Variants in GFPT1 observed in about 807,000 individuals in gnomAD.
The protein encoded by GFPT1 is glutamine--fructose-6-phosphate aminotransferase [isomerizing] 1.
In GFPT1, 40 loss-of-function variants were observed where a neutral mutation model predicts 92.0. The ratio of observed to expected loss-of-function variants is 0.43; its 90% confidence interval spans 0.34 to 0.57. GFPT1 has a LOEUF of 0.57. Among genes scored for constraint, GFPT1 ranks in the 20% least tolerant of loss-of-function variants. The probability of loss-of-function intolerance (pLI) is 0.02; values close to 1 mark genes in which losing one functional copy is unlikely to be tolerated. For missense variants in GFPT1, 448 were observed against 869.1 expected, an observed-to-expected ratio of 0.52 and a Z score of 6.09; for synonymous variants, 269 against 280.6, an observed-to-expected ratio of 0.96 and a Z score of 0.41.
chr2:69,327,173 G>A, intron 18 of GFPT1, 98 bp from the exon 19 acceptor site: 1 of 956,472 alleles, frequency 1.0e-6, no homozygotes, highest in Non-Finnish European at 1.7e-6. Context: ...TAATCCATAT[G>A]AAGCCTCACG....
At chr2:69,337,060 ATTTT>A (rs376497924) in intron 15 of GFPT1, among the ~76,000 whole-genome samples, 1 of 118,504 alleles carries the variant, frequency 8.4e-6, no homozygotes, top group Non-Finnish European at 1.7e-5. Flanking sequence ...CAAATTTTAA[ATTTT>A]TTTTTTTTTT....
rs933655831 is a variant in GFPT1, at chr2:69,333,716, G to C, written c.1483-3918C>G. On this transcript the variant is annotated intron_variant, in intron 15 of 19. Transcript: ENST00000357308. ...TTTATACCCATCAATTCCTCCAGTA[G>C]TATCAACTTGTCTATGGTCTGATAC... is the stretch of plus-strand genomic sequence containing the variant. Among the ~76,000 whole-genome samples the C allele has an allele frequency of 2.6e-5, 4 of 152,144 alleles. No individual in the cohort carries two copies. In the South Asian group the frequency reaches 8.3e-4, roughly 31 times the overall value.
intron 19 of GFPT1, among the ~76,000 whole-genome samples, chr2:69,326,501 C>T (rs1558724386): frequency 6.6e-6 from 1 of 152,132 alleles, no homozygotes; most frequent in Admixed American, 6.5e-5. Flanking sequence ...GAAGTAGTAG[C>T]CCTCATAGGG....
Position 69,348,278 on chromosome 2 carries a change from G to C in GFPT1, c.902C>G (p.Ala301Gly), listed in dbSNP as rs372840289. 1.9e-6 allele frequency: 3 copies of C among 1,612,728 alleles called. No individual in the cohort carries two copies. Among genetic ancestry groups the C allele is most frequent in the Non-Finnish European group, 2.5e-6 (3 of 1,178,746 alleles). The part of the protein sequence containing the change: ...VIFLEDDDVA[A>G]VVDGRLSIHR... The stretch of plus-strand genomic sequence containing the variant: ...GATAGAAAGACGTCCATCCACTACT[G>C]CTGCAACATCATCATCTTCCAGAAA... The change falls in exon 11 of 20, where the codon GCA becomes GGA. Residue 301 changes from alanine to glycine, a missense_variant. Physicochemically the swap from Ala to Gly is moderately conservative, Grantham distance 60 (BLOSUM62 0). Coordinates refer to ENST00000357308, the MANE Select transcript of GFPT1 (RefSeq NM_001244710.2).
intron 4 of GFPT1, among the ~76,000 whole-genome samples, chr2:69,360,599 A>G (rs935595958): frequency 2.6e-5 from 4 of 151,720 alleles, no homozygotes; most frequent in African/African-American, 9.7e-5. Context: ...CACCACACTC[A>G]ACTAATTTTT....
chr2:69,349,994 G>T, intron 10 of GFPT1, 84 bp downstream of exon 10: 1 of 904,652 alleles, frequency 1.1e-6, no homozygotes, highest in Non-Finnish European at 1.8e-6. Flanking sequence ...AGCACAACTA[G>T]ACTGATACAC....
At chr2:69,383,287 G>A (rs899504034) in intron 1 of GFPT1, among the ~76,000 whole-genome samples, 1 of 152,160 alleles carries the variant, frequency 6.6e-6, no homozygotes, top group Non-Finnish European at 1.5e-5. Context: ...CCAAACTTGT[G>A]TTACAAAACC....
chr2:69,353,681 A>G (rs1671266337), intron 9 of GFPT1, among the ~76,000 whole-genome samples: 1 of 152,208 alleles, frequency 6.6e-6, no homozygotes, highest in South Asian at 2.1e-4. Flanking sequence ...CCTGGGCAAC[A>G]GAGCAAGACC....
At chr2:69,351,894 T>C (rs1465638183) in intron 9 of GFPT1, among the ~76,000 whole-genome samples, 1 of 152,226 alleles carries the variant, frequency 6.6e-6, no homozygotes, top group African/African-American at 2.4e-5. Context: ...ATCTTGATTA[T>C]GGTGGTACTT....
rs557805619 is a variant in GFPT1 at position 69,338,823 on chromosome 2, C to T, written c.1204-258G>A. On this transcript the variant is annotated intron_variant, in intron 13 of 19. Coordinates refer to ENST00000357308, the MANE Select transcript of GFPT1 (RefSeq NM_001244710.2). ...ATTCCTTTTTTTTTTTTTTTTGAGA[C>T]GGAGTCTCGCTCTGTCGCCAGGCTG... Among the ~76,000 whole-genome samples the T allele has an allele frequency of 2.3e-3, 205 of 88,704 alleles. 5 individuals are homozygous for T. The highest frequency in any genetic ancestry group is 4.3e-4 in the Non-Finnish European group (21 of 48,572). 58.2% of individuals were successfully genotyped at this position (88,704 alleles called of 152,430 possible).
At position 69,363,537 on chromosome 2, in the gene GFPT1, T is replaced by G; in HGVS notation, c.349+8A>C. On this transcript the variant is annotated splice_region_variant and intron_variant, in intron 4 of 19. Coordinates refer to ENST00000357308, the MANE Select transcript of GFPT1 (RefSeq NM_001244710.2). Reference sequence around the variant, plus strand: ...AATCATTCCAAAGCACAAAAAATCTTTCCATACCATTATTTTTATCAGAGC... The same window carrying G: ...AATCATTCCAAAGCACAAAAAATCTGTCCATACCATTATTTTTATCAGAGC... The G allele has an allele frequency of 6.2e-7, 1 of 1,613,948 alleles. No individual in the cohort carries two copies. Among genetic ancestry groups the G allele is most frequent in the Non-Finnish European group, 8.5e-7 (1 of 1,179,804 alleles).
chr2:69,328,081 A>T (rs1258783158), intron 18 of GFPT1, among the ~76,000 whole-genome samples, 190 bp downstream of exon 18: 2 of 139,736 alleles, frequency 1.4e-5, no homozygotes, highest in Non-Finnish European at 3.1e-5. Context: ...GGTGGGTGAC[A>T]GAGACTCCAT....
chr2:69,370,118 C>G lies in GFPT1; in HGVS notation c.116-10G>C, dbSNP rs1558774039. The stretch of plus-strand genomic sequence containing the variant: ...CCATCAAATCCCACACCTAAACCAT[C>G]ATGAGGTAAAAAAGCAAAATTTAGA... On this transcript the variant is annotated splice_polypyrimidine_tract_variant and intron_variant, in intron 2 of 19. Transcript: ENST00000357308. 2 of 1,572,440 alleles carry G rather than the reference C, an allele frequency of 1.3e-6. No individual in the cohort carries two copies. The highest frequency in any genetic ancestry group is 1.1e-5 in the South Asian group (1 of 90,208).
At chr2:69,328,186 TA>T in intron 18 of GFPT1, 84 bp downstream of exon 18, 1 of 1,030,652 alleles carries the variant, frequency 9.7e-7, no homozygotes, top group Non-Finnish European at 1.5e-6. Flanking sequence ...TTAACACGTG[TA>T]AACATGTTTT....
chr2:69,382,815 C>T (rs1672041190), intron 1 of GFPT1, among the ~76,000 whole-genome samples: 1 of 152,184 alleles, frequency 6.6e-6, no homozygotes, highest in African/African-American at 2.4e-5. Context: ...CAGAACATTC[C>T]TGAACCTAAC....
At chr2:69,384,704 A>G (rs1358331277) in intron 1 of GFPT1, among the ~76,000 whole-genome samples, 3 of 140,548 alleles carry the variant, frequency 2.1e-5, no homozygotes, top group Non-Finnish European at 4.6e-5. Context: ...AAAAAAAAAA[A>G]AAAAAAAAGA....
At position 69,350,089 on chromosome 2, in the gene GFPT1, A is replaced by C; in HGVS notation, c.834T>G (p.Ala278=). 1 of 1,609,482 alleles carries C rather than the reference A, an allele frequency of 6.2e-7. No individual in the cohort carries two copies. The highest frequency in any genetic ancestry group is 8.5e-7 in the Non-Finnish European group (1 of 1,175,700). ...VEEKAVEYYF[A]SDASAVIEHT... ...CTAAGGAAGCTCACCTTGCATCAGA[A>C]GCAAAGTAATACTCCACTGCTTTTT... The change falls in exon 10 of 20, where the codon GCT becomes GCG. Residue 278 remains alanine, a synonymous_variant. Coordinates refer to ENST00000357308, the MANE Select transcript of GFPT1 (RefSeq NM_001244710.2).
At chr2:69,334,757 TTTACAAAAATTTTCTGGAA>T (rs1670752072) in intron 15 of GFPT1, 1 of 152,170 alleles carries the variant, frequency 6.6e-6, no homozygotes, top group Non-Finnish European at 1.5e-5. Flanking sequence ...TACAATTCCA[TTTACAAAAATTTTCTGGAA>T]AATGCCATAA....
intron 4 of GFPT1, among the ~76,000 whole-genome samples, chr2:69,359,656 G>A (rs993038192): frequency 6.6e-6 from 1 of 152,224 alleles, no homozygotes; most frequent in Admixed American, 6.5e-5. Flanking sequence ...AGTTTATTGG[G>A]TCTGTTGCCT....
Sources: allele counts gnomAD v4.1 joint callset (sites outside exome capture counted in the v4.1 genomes callset), GRCh38; gene constraint gnomAD v4.1.1; transcripts MANE v1.5; gene names NCBI Gene and HGNC (gene_info 2026-07-23, HGNC 2026-07-21).